Variants in PDE3A observed in about 807,000 individuals in gnomAD.
PDE3A encodes the protein phosphodiesterase 3A, also known as cGMP-inhibited 3',5'-cyclic phosphodiesterase 3A.
PDE3A carries 43 observed loss-of-function variants against 98.3 expected under a neutral mutation model. The observed-to-expected ratio is 0.44, with a 90% CI of 0.34 to 0.56. PDE3A has a LOEUF of 0.56. Ranked by LOEUF, PDE3A falls within the 20% of genes least tolerant of loss-of-function variation. The pLI is 0.01. For missense variants in PDE3A, 1,427 were observed against 1,440.7 expected, an observed-to-expected ratio of 0.99 and a Z score of 0.15; for synonymous variants, 663 against 567.9, an observed-to-expected ratio of 1.17 and a Z score of -2.38.
chr12:20,461,792 G>GT lies in PDE3A; in HGVS notation c.960+91549dup, dbSNP rs1945256625. Among the ~76,000 whole-genome samples, 4 of 152,114 alleles carry GT rather than the reference G, an allele frequency of 2.6e-5. No homozygotes were observed. The South Asian group carries it at 8.3e-4, about 31-fold the overall frequency. On this transcript the variant is annotated intron_variant, in intron 1 of 15. Coordinates refer to ENST00000359062, the MANE Select transcript of PDE3A (RefSeq NM_000921.5). ...TTTTCCCAGTTGGTTTACCAAGTGC[G>GT]TAAGAATCAGATATCAGTAAAAATG...
chr12:20,526,481 C>T (rs1361160030), intron 1 of PDE3A, among the ~76,000 whole-genome samples: 1 of 152,086 alleles, frequency 6.6e-6, no homozygotes, highest in Non-Finnish European at 1.5e-5. Context: ...ACAATTATAG[C>T]AAGTCATCAT....
chr12:20,420,966 C>G (rs984883405), intron 1 of PDE3A, among the ~76,000 whole-genome samples: 4 of 151,994 alleles, frequency 2.6e-5, no homozygotes, highest in African/African-American at 9.7e-5. Flanking sequence ...CCATATTGTC[C>G]CATTTGGCAG....
intron 1 of PDE3A, among the ~76,000 whole-genome samples, chr12:20,536,955 G>A (rs1471429269): frequency 6.6e-6 from 1 of 152,048 alleles, no homozygotes; most frequent in Non-Finnish European, 1.5e-5. Flanking sequence ...ATAAGTTTGA[G>A]AAACTGTCAA....
chr12:20,675,140 A>G (rs1432432252), intron 15 of PDE3A, among the ~76,000 whole-genome samples: 3 of 151,866 alleles, frequency 2.0e-5, no homozygotes, highest in African/African-American at 4.8e-5. Flanking sequence ...CAAGAAATTT[A>G]TTGATTTATT....
intron 2 of PDE3A, chr12:20,571,953 G>T: frequency 9.5e-7 from 1 of 1,053,990 alleles, no homozygotes; most frequent in Non-Finnish European, 1.1e-6. Flanking sequence ...TGGGAAATTT[G>T]AGCACACAGA....
chr12:20,457,457 A>T (rs899793421), intron 1 of PDE3A, among the ~76,000 whole-genome samples: 2 of 151,860 alleles, frequency 1.3e-5, no homozygotes, highest in Non-Finnish European at 2.9e-5. Context: ...TGCATGTAAC[A>T]CATAAAAATA....
At chr12:20,568,353 A>C (rs1442304730) in intron 2 of PDE3A, among the ~76,000 whole-genome samples, 1 of 152,040 alleles carries the variant, frequency 6.6e-6, no homozygotes, top group African/African-American at 2.4e-5. Flanking sequence ...ATTTCTGCCA[A>C]TATTAATTAG....
chr12:20,610,629 A>T (rs934784215), intron 2 of PDE3A, among the ~76,000 whole-genome samples: 6 of 152,024 alleles, frequency 3.9e-5, no homozygotes, highest in African/African-American at 1.4e-4. Flanking sequence ...TCTGTCCATG[A>T]ATGAATGGAT....
chr12:20,507,125 T>C (rs1946133248), intron 1 of PDE3A, among the ~76,000 whole-genome samples: 1 of 152,028 alleles, frequency 6.6e-6, no homozygotes, highest in African/African-American at 2.4e-5. Flanking sequence ...ATTTATTTTT[T>C]TCCCCTCATC....
At chr12:20,480,194 G>A (rs553034863) in intron 1 of PDE3A, among the ~76,000 whole-genome samples, 5 of 152,148 alleles carry the variant, frequency 3.3e-5, no homozygotes, top group African/African-American at 1.2e-4. Context: ...TTTGAGATGT[G>A]TCAGTGGCCA....
intron 1 of PDE3A, among the ~76,000 whole-genome samples, chr12:20,461,803 A>G (rs1034191559): frequency 6.6e-5 from 10 of 152,214 alleles, no homozygotes; most frequent in African/African-American, 2.2e-4. Context: ...TAAGAATCAG[A>G]TATCAGTAAA....
intron 1 of PDE3A, among the ~76,000 whole-genome samples, chr12:20,395,472 C>T: frequency 7.7e-6 from 1 of 129,746 alleles, no homozygotes; most frequent in East Asian, 2.2e-4. Flanking sequence ...TATATGTATA[C>T]TATGTATACA....
chr12:20,492,162 G>A (rs1026950274), intron 1 of PDE3A, among the ~76,000 whole-genome samples: 6 of 152,090 alleles, frequency 3.9e-5, no homozygotes, highest in African/African-American at 1.4e-4. Context: ...TGTGTTTTTA[G>A]TAGAGATGGG....
chr12:20,484,769 G>A (rs528670398), intron 1 of PDE3A, among the ~76,000 whole-genome samples: 14 of 152,192 alleles, frequency 9.2e-5, no homozygotes, highest in Admixed American at 6.5e-4. Flanking sequence ...TGATGTTAAG[G>A]GAACATAACT....
intron 1 of PDE3A, among the ~76,000 whole-genome samples, chr12:20,468,342 C>T (rs1259570513): frequency 1.3e-5 from 2 of 152,124 alleles, no homozygotes; most frequent in African/African-American, 4.8e-5. Flanking sequence ...TGATTATGGT[C>T]TGTACTTGCC....
intron 1 of PDE3A, among the ~76,000 whole-genome samples, chr12:20,402,484 G>T (rs1165002482): frequency 6.6e-6 from 1 of 151,976 alleles, no homozygotes; most frequent in Non-Finnish European, 1.5e-5. Context: ...TTGTGATTTG[G>T]ACTCACCCTC....
chr12:20,420,612 C>T (rs1312629170), intron 1 of PDE3A, among the ~76,000 whole-genome samples: 1 of 152,062 alleles, frequency 6.6e-6, no homozygotes, highest in Non-Finnish European at 1.5e-5. Context: ...AGGGAGGCTC[C>T]AGGTGACAGC....
intron 1 of PDE3A, among the ~76,000 whole-genome samples, chr12:20,555,025 G>A (rs1479856152): frequency 6.6e-6 from 1 of 151,586 alleles, no homozygotes; most frequent in East Asian, 2.0e-4. Context: ...ATTTTCTAAT[G>A]GATTCCTTTC....
intron 2 of PDE3A, among the ~76,000 whole-genome samples, chr12:20,568,474 A>C (rs1451378983): frequency 6.6e-6 from 1 of 151,932 alleles, no homozygotes; most frequent in Non-Finnish European, 1.5e-5. Context: ...TGGATACAGC[A>C]TTGGAAGTAA....
Sources: gnomAD v4.1 joint callset for allele counts (sites outside exome capture counted in the v4.1 genomes callset) on GRCh38, gnomAD v4.1.1 for gene constraint, MANE v1.5 for transcripts, NCBI Gene and HGNC (gene_info 2026-07-23, HGNC 2026-07-21) for gene names.